UNC5C: variants seen among roughly 807,000 people sequenced by gnomAD.
UNC5C encodes the protein netrin receptor UNC5C.
In UNC5C, 47 loss-of-function variants were observed where a neutral mutation model predicts 99.8. The ratio of observed to expected loss-of-function variants is 0.47; its 90% CI spans 0.37 to 0.60. UNC5C has a LOEUF of 0.60. Among genes scored for constraint, UNC5C ranks in the 20% least tolerant of loss-of-function variants. The probability of loss-of-function intolerance (pLI) is 0.00; values close to 1 mark genes in which losing one functional copy is unlikely to be tolerated. For missense variants in UNC5C, 1,062 were observed against 1,165.9 expected, an observed-to-expected ratio of 0.91 and a Z score of 1.30; for synonymous variants, 487 against 452.2, an observed-to-expected ratio of 1.08 and a Z score of -0.98.
At chr4:95,432,431 T>C (rs1746659102) in intron 1 of UNC5C, among the ~76,000 whole-genome samples, 2 of 152,106 alleles carry the variant, frequency 1.3e-5, no homozygotes, top group Non-Finnish European at 2.9e-5. Flanking sequence ...GGGATAATCA[T>C]ACAGTTTTCC....
At chr4:95,307,485 T>C (rs1742104288) in intron 2 of UNC5C, among the ~76,000 whole-genome samples, 1 of 152,002 alleles carries the variant, frequency 6.6e-6, no homozygotes, top group African/African-American at 2.4e-5. Flanking sequence ...AGTAAGATGA[T>C]TAAATCAGAA....
intron 1 of UNC5C, among the ~76,000 whole-genome samples, chr4:95,357,790 C>T (rs1055197150): frequency 6.6e-6 from 1 of 151,254 alleles, no homozygotes; most frequent in Non-Finnish European, 1.5e-5. Flanking sequence ...GGCCCTGTCT[C>T]AAAACAAAAA....
chr4:95,336,506 A>G (rs544452830), intron 1 of UNC5C, among the ~76,000 whole-genome samples: 15 of 152,058 alleles, frequency 9.9e-5, no homozygotes, highest in South Asian at 2.1e-4. Context: ...AATATAGAGC[A>G]TGGTATTGGT....
intron 4 of UNC5C, among the ~76,000 whole-genome samples, chr4:95,276,589 T>C (rs1487413334): frequency 6.6e-6 from 1 of 152,210 alleles, no homozygotes; most frequent in Non-Finnish European, 1.5e-5. Flanking sequence ...TGATCTGTTT[T>C]GGGTTTTAAG....
At chr4:95,344,362 A>C (rs1191896010) in intron 1 of UNC5C, among the ~76,000 whole-genome samples, 1 of 152,148 alleles carries the variant, frequency 6.6e-6, no homozygotes, top group Non-Finnish European at 1.5e-5. Flanking sequence ...TACTTCAAAC[A>C]TAAAGGAGAA....
intron 7 of UNC5C, among the ~76,000 whole-genome samples, chr4:95,227,840 T>C (rs1738754766): frequency 6.6e-6 from 1 of 152,208 alleles, no homozygotes; most frequent in Non-Finnish European, 1.5e-5. Context: ...TTCATATTTG[T>C]GTTTACTGTA....
chr4:95,487,606 T>G (rs548699610), intron 1 of UNC5C, among the ~76,000 whole-genome samples: 1 of 151,908 alleles, frequency 6.6e-6, no homozygotes, highest in African/African-American at 2.4e-5. Context: ...TAAATACTTA[T>G]GTGCCACCAA....
rs1735765453 is a variant in UNC5C at position 95,163,866 on chromosome 4, ACAG to A, written c.*5365_*5367del. ...CTTCAGTAGGCAAGCGTCTGAGTAG[ACAG>A]CAGGCTGATGAAGAGCTGCTAATAA... is the stretch of plus-strand genomic sequence containing the variant. On this transcript the variant is annotated 3_prime_UTR_variant, in exon 16 of 16. Coordinates refer to ENST00000453304, the MANE Select transcript of UNC5C (RefSeq NM_003728.4). 1 of 152,184 alleles carries A rather than the reference ACAG, an allele frequency of 6.6e-6. No individual in the cohort carries two copies. Among genetic ancestry groups the A allele is most frequent in the South Asian group, 2.1e-4 (1 of 4,832 alleles). The allele number at this position is 152,184 out of a possible 1,614,324, so 9.4% of individuals were successfully genotyped here. A position where few individuals can be genotyped will look rare whatever the true frequency, so the allele number is the denominator to read the frequency against.
At chr4:95,398,850 G>A (rs1745602612) in intron 1 of UNC5C, among the ~76,000 whole-genome samples, 1 of 152,056 alleles carries the variant, frequency 6.6e-6, no homozygotes, top group Non-Finnish European at 1.5e-5. Context: ...ATTCTACATG[G>A]GAATGGAGTT....
intron 1 of UNC5C, among the ~76,000 whole-genome samples, chr4:95,536,057 C>A (rs1217879105): frequency 8.4e-6 from 1 of 119,050 alleles, no homozygotes; most frequent in African/African-American, 3.1e-5. Flanking sequence ...CATATACATA[C>A]ATACATATAT....
intron 1 of UNC5C, among the ~76,000 whole-genome samples, chr4:95,454,180 G>T (rs1052173401): frequency 1.3e-5 from 2 of 152,032 alleles, no homozygotes; most frequent in South Asian, 2.1e-4. Flanking sequence ...TCAATTAAAA[G>T]AACAACTGAC....
chr4:95,280,709 C>G (rs80175515), intron 3 of UNC5C, among the ~76,000 whole-genome samples: 292 of 150,770 alleles, frequency 1.9e-3, no homozygotes, highest in Non-Finnish European at 3.7e-3. Flanking sequence ...ACAACAACAA[C>G]AAGAAATGAA....
chr4:95,187,402 A>G (rs1736873535), intron 12 of UNC5C, among the ~76,000 whole-genome samples: 2 of 152,226 alleles, frequency 1.3e-5, no homozygotes, highest in South Asian at 2.1e-4. Flanking sequence ...AAGAAGATGC[A>G]TTGTATTCCA....
chr4:95,262,380 T>C (rs1294912056), intron 4 of UNC5C, among the ~76,000 whole-genome samples: 4 of 152,190 alleles, frequency 2.6e-5, no homozygotes, highest in African/African-American at 9.7e-5. Context: ...GTCCACGTAT[T>C]TCTACTTACT....
At chr4:95,499,339 A>T (rs966690175) in intron 1 of UNC5C, among the ~76,000 whole-genome samples, 1 of 152,092 alleles carries the variant, frequency 6.6e-6, no homozygotes. Flanking sequence ...TTTATAAATA[A>T]TTCTCACCGG....
At chr4:95,401,689 C>T (rs1340208963) in intron 1 of UNC5C, among the ~76,000 whole-genome samples, 2 of 152,252 alleles carry the variant, frequency 1.3e-5, no homozygotes, top group East Asian at 1.9e-4. Flanking sequence ...TCAGTCTAAC[C>T]CTGAGAAGCT....
chr4:95,384,897 G>C (rs1025669979), intron 1 of UNC5C, among the ~76,000 whole-genome samples: 1 of 152,128 alleles, frequency 6.6e-6, no homozygotes, highest in African/African-American at 2.4e-5. Flanking sequence ...TACTAGAGGG[G>C]AGGGACAAGT....
At chr4:95,304,856 C>T (rs1467936658) in intron 2 of UNC5C, among the ~76,000 whole-genome samples, 2 of 152,186 alleles carry the variant, frequency 1.3e-5, no homozygotes, top group Non-Finnish European at 2.9e-5. Context: ...GTCTCATTCT[C>T]CCCCACTTTT....
intron 2 of UNC5C, among the ~76,000 whole-genome samples, chr4:95,311,115 G>A (rs1393408988): frequency 6.6e-6 from 1 of 152,008 alleles, no homozygotes; most frequent in Non-Finnish European, 1.5e-5. Context: ...ATTTAAAGTT[G>A]CAACGAATTG....
Sources: allele counts gnomAD v4.1 joint callset (sites outside exome capture counted in the v4.1 genomes callset), GRCh38; gene constraint gnomAD v4.1.1; transcripts MANE v1.5; gene names NCBI Gene and HGNC (gene_info 2026-07-23, HGNC 2026-07-21).